The following ABCA4 variants were observed in gnomAD, a reference collection of about 807,000 sequenced individuals.
ABCA4 encodes ATP binding cassette subfamily A member 4.
In ABCA4, 196 loss-of-function variants were observed where a neutral mutation model predicts 263.7. The ratio of observed to expected loss-of-function variants is 0.74; its 90% CI spans 0.66 to 0.84. The LOEUF (loss-of-function observed/expected upper bound fraction) is 0.84. ABCA4 is among the 40% of genes least tolerant of loss of function. ABCA4 has a pLI of 0.00. For missense variants in ABCA4, 2,792 were observed against 2,855.1 expected, an observed-to-expected ratio of 0.98 and a Z score of 0.50; for synonymous variants, 1,133 against 1,094.2, an observed-to-expected ratio of 1.04 and a Z score of -0.70.
At chr1:94,010,968 C>G in intron 39 of ABCA4, 39 bp from the exon 40 acceptor site, 6 of 1,613,874 alleles carry the variant, frequency 3.7e-6, no homozygotes, top group Non-Finnish European at 4.2e-6. Flanking sequence ...TCAGCCGCCC[C>G]AGCTCACCCC....
At chr1:94,076,071 G>C (rs549970624) in intron 11 of ABCA4, among the ~76,000 whole-genome samples, 1 of 152,332 alleles carries the variant, frequency 6.6e-6, no homozygotes, top group Admixed American at 6.5e-5. Flanking sequence ...GTCATTTCAG[G>C]CATTGGTGGA....
chr1:94,014,751 G>T (rs115227175), intron 37 of ABCA4, 61 bp from the exon 38 acceptor site: 8 of 1,604,324 alleles, frequency 5.0e-6, no homozygotes, highest in Non-Finnish European at 6.0e-6. Flanking sequence ...CCTACAATAC[G>T]TCTGGATATA....
At chr1:94,053,576 G>T (rs553740594) in intron 16 of ABCA4, among the ~76,000 whole-genome samples, 4 of 152,336 alleles carry the variant, frequency 2.6e-5, no homozygotes, top group African/African-American at 7.2e-5. Context: ...AATCCAGTTG[G>T]TATCCTTATA....
chr1:94,085,688 G>C (rs1411036625), intron 6 of ABCA4, among the ~76,000 whole-genome samples: 1 of 152,120 alleles, frequency 6.6e-6, no homozygotes, highest in Non-Finnish European at 1.5e-5. Flanking sequence ...ACTACGTTTT[G>C]ACACACATGA....
chr1:94,097,773 G>A (rs925967792), intron 6 of ABCA4, among the ~76,000 whole-genome samples: 2 of 152,012 alleles, frequency 1.3e-5, no homozygotes, highest in East Asian at 1.9e-4. Flanking sequence ...TTATTGAGAC[G>A]GAGTCTTGCT....
At chr1:94,118,412 G>A (rs1662859773) in intron 1 of ABCA4, among the ~76,000 whole-genome samples, 1 of 152,162 alleles carries the variant, frequency 6.6e-6, no homozygotes, top group South Asian at 2.1e-4. Flanking sequence ...AGGTTTGAGG[G>A]AAAACCTGGG....
At chr1:94,046,872 A>C (rs1273365345) in intron 19 of ABCA4, 47 bp downstream of exon 19, 18 of 1,602,922 alleles carry the variant, frequency 1.1e-5, no homozygotes, top group Non-Finnish European at 1.5e-5. Context: ...CTAAGCCAGG[A>C]AATGACAGGC....
At chr1:94,014,512 CA>C (rs1372549601) in intron 38 of ABCA4, 30 bp downstream of exon 38, 4 of 1,612,760 alleles carry the variant, frequency 2.5e-6, no homozygotes, top group South Asian at 2.2e-5. Flanking sequence ...TCCTACTAAT[CA>C]AACAAAAAAG....
intron 1 of ABCA4, among the ~76,000 whole-genome samples, chr1:94,114,304 G>A (rs918719955): frequency 5.9e-5 from 9 of 152,140 alleles, no homozygotes; most frequent in Non-Finnish European, 1.2e-4. Context: ...ATAAATTGAT[G>A]GGGGAAAATG....
At chr1:94,101,008 C>T (rs1189192705) in intron 5 of ABCA4, among the ~76,000 whole-genome samples, 1 of 152,226 alleles carries the variant, frequency 6.6e-6, no homozygotes, top group Admixed American at 6.5e-5. Flanking sequence ...CGTGCCTCTG[C>T]GAAGCGCAGA....
intron 8 of ABCA4, among the ~76,000 whole-genome samples, chr1:94,080,100 A>G (rs757286917): frequency 1.2e-4 from 19 of 152,128 alleles, no homozygotes; most frequent in South Asian, 2.1e-4. Flanking sequence ...TTGTGTTTGT[A>G]AAAGCATCCC....
At chr1:94,090,733 A>C (rs1466894473) in intron 6 of ABCA4, among the ~76,000 whole-genome samples, 1 of 152,116 alleles carries the variant, frequency 6.6e-6, no homozygotes, top group Non-Finnish European at 1.5e-5. Flanking sequence ...AATAGGTTTT[A>C]TTTTGTTTGT....
chr1:94,027,719 T>G (rs2101031014), intron 30 of ABCA4, among the ~76,000 whole-genome samples: 1 of 152,374 alleles, frequency 6.6e-6, no homozygotes, highest in African/African-American at 2.4e-5. Flanking sequence ...TGCTCCTCCC[T>G]GCTGCCTTAG....
chr1:94,090,466 C>T lies in ABCA4; in HGVS notation c.769-7025G>A, dbSNP rs75745933. ...TTGAGGACTAATGGATCAAAATGAC[C>T]AACCCACCCTGTCTCACCCCATTCT... On this transcript the variant is annotated intron_variant, in intron 6 of 49. Transcript: ENST00000370225. 5.0e-3 allele frequency among the ~76,000 whole-genome samples: 757 copies of T among 152,116 alleles called. 6 individuals carry two copies. Among genetic ancestry groups the T allele is most frequent in the Non-Finnish European group, 7.5e-3 (509 of 68,010 alleles).
chr1:94,046,280 T>TAAA (rs11289565), intron 19 of ABCA4, among the ~76,000 whole-genome samples: 3 of 77,062 alleles, frequency 3.9e-5, no homozygotes, highest in African/African-American at 1.4e-4. Flanking sequence ...CTGTCTGTAC[T>TAAA]AAAAAAAAAA....
intron 6 of ABCA4, among the ~76,000 whole-genome samples, chr1:94,083,681 A>G (rs1468729726): frequency 6.6e-6 from 1 of 152,182 alleles, no homozygotes; most frequent in Non-Finnish European, 1.5e-5. Flanking sequence ...TTTCATAGTT[A>G]TATTAAATAC....
At chr1:94,015,253 T>C (rs1270133158) in intron 37 of ABCA4, among the ~76,000 whole-genome samples, 1 of 152,158 alleles carries the variant, frequency 6.6e-6, no homozygotes, top group Non-Finnish European at 1.5e-5. Context: ...GGAAAGAAAG[T>C]TGCATGCTGG....
intron 32 of ABCA4, 126 bp downstream of exon 32, chr1:94,023,260 G>T: frequency 1.3e-6 from 1 of 778,514 alleles, no homozygotes; most frequent in Non-Finnish European, 2.2e-6. Context: ...GACGTGTCTT[G>T]TGACTTCCTG....
chr1:94,093,344 G>T (rs924489318), intron 6 of ABCA4, among the ~76,000 whole-genome samples: 15 of 152,282 alleles, frequency 9.9e-5, no homozygotes, highest in African/African-American at 3.4e-4. Context: ...TTTCTTTAGG[G>T]AACAGGTCTA....
Sources: allele counts gnomAD v4.1 joint callset (sites outside exome capture counted in the v4.1 genomes callset), GRCh38; gene constraint gnomAD v4.1.1; transcripts MANE v1.5; gene names NCBI Gene and HGNC (gene_info 2026-07-23, HGNC 2026-07-21).